The following SLC9C1 variants were observed in gnomAD, a reference collection of about 807,000 sequenced individuals.
SLC9C1 encodes the protein sodium/hydrogen exchanger 10.
Under a neutral mutation model 140.9 loss-of-function variants are expected in SLC9C1, and 97 were observed. That is an observed-to-expected ratio of 0.69 (90% CI 0.58 to 0.82). SLC9C1 has a LOEUF of 0.82. Ranked by LOEUF, SLC9C1 falls within the 40% of genes least tolerant of loss-of-function variation. The probability of loss-of-function intolerance (pLI) is 0.00; values close to 1 mark genes in which losing one functional copy is unlikely to be tolerated. For missense variants in SLC9C1, 1,340 were observed against 1,389.3 expected (o/e 0.96, Z 0.56); for synonymous variants, 440 against 442.6 (o/e 0.99, Z 0.07).
chr3:112,144,174 C>CTTTT (rs138026716), intron 28 of SLC9C1, among the ~76,000 whole-genome samples: 4 of 72,172 alleles, frequency 5.5e-5, no homozygotes, highest in African/African-American at 1.6e-4. Context: ...GATGCCCTGG[C>CTTTT]TTTTTTTTTT....
intron 28 of SLC9C1, 123 bp from the exon 29 acceptor site, chr3:112,141,404 A>G (rs2107827931): frequency 2.1e-6 from 2 of 950,654 alleles, no homozygotes; most frequent in South Asian, 4.9e-5. Context: ...ACACTTGGTC[A>G]TTTTTGTTAA....
chr3:112,204,190 G>A, intron 17 of SLC9C1, 28 bp downstream of exon 17: 1 of 1,438,994 alleles, frequency 6.9e-7, no homozygotes, highest in South Asian at 1.6e-5. Context: ...GTAGGAATTA[G>A]AAATTGCACG....
In SLC9C1 at chr3:112,167,353, A is replaced by G. The variant is rs1387040334; in HGVS notation, c.3238-6T>C. 6.3e-7 allele frequency: 1 copy of G among 1,577,062 alleles called. No individual in the cohort carries two copies. The highest frequency in any genetic ancestry group is 8.6e-7 in the Non-Finnish European group (1 of 1,164,650). On this transcript the variant is annotated splice_region_variant and splice_polypyrimidine_tract_variant and intron_variant, in intron 25 of 28. Transcript: ENST00000305815. ...AAATCTTCAATACTTTGTATCTGAA[A>G]GTTGACAGAATGCAAGTTAATTTCT...
At chr3:112,269,238 G>C (rs541111003) in intron 7 of SLC9C1, among the ~76,000 whole-genome samples, 1 of 152,210 alleles carries the variant, frequency 6.6e-6, no homozygotes, top group Non-Finnish European at 1.5e-5. Context: ...GGCTCCTGAG[G>C]AGCTGGGACT....
intron 2 of SLC9C1, among the ~76,000 whole-genome samples, chr3:112,283,407 C>T (rs527652140): frequency 6.6e-5 from 10 of 150,622 alleles, no homozygotes; most frequent in African/African-American, 1.5e-4. Context: ...CACTTGCACC[C>T]GAGGTTTTGA....
chr3:112,255,848 A>G (rs2079591864), intron 10 of SLC9C1, among the ~76,000 whole-genome samples: 1 of 152,124 alleles, frequency 6.6e-6, no homozygotes, highest in African/African-American at 2.4e-5. Context: ...AGCTAGACTA[A>G]TAAAGAAGAG....
chr3:112,203,316 T>C (rs13060187), intron 17 of SLC9C1, among the ~76,000 whole-genome samples: 60,691 of 151,752 alleles, frequency 0.4, 12,659 homozygotes, highest in East Asian at 0.62. Context: ...AGGCTCTGTA[T>C]ACCTTCCTAT....
At chr3:112,199,298 G>C (rs1399082794) in intron 20 of SLC9C1, 23 bp downstream of exon 20, 1 of 1,517,896 alleles carries the variant, frequency 6.6e-7, no homozygotes, top group East Asian at 2.3e-5. Flanking sequence ...AAATATACTT[G>C]CTTTGAAAAT....
intron 10 of SLC9C1, among the ~76,000 whole-genome samples, chr3:112,261,494 T>G (rs1021472013): frequency 2.0e-5 from 3 of 152,042 alleles, no homozygotes; most frequent in African/African-American, 4.8e-5. Flanking sequence ...CAATATAACA[T>G]AACTTATGAG....
intron 7 of SLC9C1, among the ~76,000 whole-genome samples, chr3:112,268,985 G>A (rs1026248050): frequency 6.6e-6 from 1 of 152,170 alleles, no homozygotes; most frequent in African/African-American, 2.4e-5. Context: ...GTGATTGTGG[G>A]ACATGGATTA....
At chr3:112,263,892 T>C (rs2079844692) in intron 9 of SLC9C1, among the ~76,000 whole-genome samples, 1 of 151,840 alleles carries the variant, frequency 6.6e-6, no homozygotes, top group Non-Finnish European at 1.5e-5. Flanking sequence ...TGTTATATAA[T>C]ATTGAGCAAA....
intron 2 of SLC9C1, among the ~76,000 whole-genome samples, chr3:112,285,480 A>T (rs989076016): frequency 6.6e-6 from 1 of 152,210 alleles, no homozygotes; most frequent in Non-Finnish European, 1.5e-5. Flanking sequence ...AGCTCAAGCA[A>T]TCTGCCCACC....
At chr3:112,274,743 G>A (rs2080167923) in intron 6 of SLC9C1, among the ~76,000 whole-genome samples, 154 bp downstream of exon 6, 1 of 152,118 alleles carries the variant, frequency 6.6e-6, no homozygotes, top group Admixed American at 6.6e-5. Flanking sequence ...TAAGTAATGT[G>A]TAATAGTGCT....
Position 112,277,788 on chromosome 3 carries a change from G to C in SLC9C1, c.391C>G (p.Gln131Glu), listed in dbSNP as rs749787154. The change falls in exon 5 of 29, where the codon CAA (glutamine) becomes GAA (glutamate). Residue 131 changes from glutamine to glutamate, a missense_variant. Physicochemically the swap from Gln to Glu is conservative, Grantham distance 29 (BLOSUM62 2). Coordinates refer to ENST00000305815, the MANE Select transcript of SLC9C1 (RefSeq NM_183061.3). ...CATTGGGTAGGCTTCAAAAGTAATT[G>C]ATTTACAGATGCCAGATGCCAAAGA... Reference protein sequence around the residue: ...LVLWHLASVNQLLLKPTQWLL... With the variant: ...LVLWHLASVNELLLKPTQWLL... 1 of 1,612,362 alleles carries C rather than the reference G, an allele frequency of 6.2e-7. No individual in the cohort carries two copies. Among genetic ancestry groups the C allele is most frequent in the African/African-American group, 1.3e-5 (1 of 74,794 alleles).
intron 1 of SLC9C1, among the ~76,000 whole-genome samples, chr3:112,289,803 C>T (rs2080624723): frequency 6.6e-6 from 1 of 152,108 alleles, no homozygotes; most frequent in African/African-American, 2.4e-5. Flanking sequence ...GTAGGTAGAC[C>T]TGAAGATCTC....
intron 13 of SLC9C1, among the ~76,000 whole-genome samples, chr3:112,225,247 C>CA (rs943632832): frequency 7.3e-5 from 11 of 151,670 alleles, no homozygotes; most frequent in African/African-American, 2.4e-4. Context: ...TGATGAAAGA[C>CA]AAAAAAAACT....
intron 10 of SLC9C1, among the ~76,000 whole-genome samples, chr3:112,259,818 A>G (rs2079721242): frequency 1.3e-5 from 2 of 152,154 alleles, no homozygotes; most frequent in Admixed American, 1.3e-4. Flanking sequence ...CATTGCTCCA[A>G]ATCTTAAAGG....
Position 112,169,199 on chromosome 3 carries a change from CATAAG to C in SLC9C1, c.3044_3048del (p.Ser1015Ter), listed in dbSNP as rs745633514. The stretch of plus-strand genomic sequence containing the variant: ...AAGTTTATACAAGCACTTCCTACCT[CATAAG>C]ATAAGTGTTCTCTGATTTTTCTGGC... On this transcript the variant is annotated frameshift_variant, in exon 24 of 29. Coordinates refer to ENST00000305815, the MANE Select transcript of SLC9C1 (RefSeq NM_183061.3). LOFTEE classifies it high-confidence loss of function. 16 of 1,611,064 alleles carry C rather than the reference CATAAG, an allele frequency of 9.9e-6. No homozygotes were observed. Among genetic ancestry groups the C allele is most frequent in the East Asian group, 6.7e-5 (3 of 44,764 alleles).
intron 15 of SLC9C1, among the ~76,000 whole-genome samples, chr3:112,216,217 A>G (rs1481907948): frequency 6.6e-6 from 1 of 152,244 alleles, no homozygotes; most frequent in African/African-American, 2.4e-5. Context: ...AAGATGGATT[A>G]AAGACTTAAA....
Sources: gnomAD v4.1 joint callset for allele counts (sites outside exome capture counted in the v4.1 genomes callset) on GRCh38, gnomAD v4.1.1 for gene constraint, MANE v1.5 for transcripts, NCBI Gene and HGNC (gene_info 2026-07-23, HGNC 2026-07-21) for gene names.